MEGF11: variants seen among roughly 807,000 people sequenced by gnomAD.
The protein encoded by MEGF11 is multiple EGF like domains 11, also known as multiple epidermal growth factor-like domains protein 11.
Under a neutral mutation model 146.6 loss-of-function variants are expected in MEGF11, and 126 were observed. The ratio of observed to expected loss-of-function variants is 0.86; its 90% CI spans 0.74 to 1.00. The LOEUF (loss-of-function observed/expected upper bound fraction) is 1.00, where lower values mean the gene tolerates loss of function less well. Among genes scored for constraint, MEGF11 ranks in the 50% least tolerant of loss-of-function variants. The pLI, the probability that MEGF11 is intolerant of heterozygous loss-of-function variation, is 0.00. For missense variants in MEGF11, 1,509 were observed against 1,521.2 expected, an observed-to-expected ratio of 0.99 and a Z score of 0.13; for synonymous variants, 532 against 583.4, an observed-to-expected ratio of 0.91 and a Z score of 1.27.
intron 1 of MEGF11, among the ~76,000 whole-genome samples, chr15:66,241,780 T>C (rs1479592089): frequency 6.6e-6 from 1 of 151,962 alleles, no homozygotes; most frequent in Non-Finnish European, 1.5e-5. Flanking sequence ...GAGACACAGC[T>C]GCTCACAGGC....
chr15:65,987,140 C>T (rs2081890823), intron 5 of MEGF11, among the ~76,000 whole-genome samples: 1 of 152,210 alleles, frequency 6.6e-6, no homozygotes, highest in Non-Finnish European at 1.5e-5. Context: ...CCACCGTCTT[C>T]TTCACCGACA....
chr15:66,134,107 C>T (rs902603952), intron 1 of MEGF11, among the ~76,000 whole-genome samples: 1 of 152,192 alleles, frequency 6.6e-6, no homozygotes, highest in African/African-American at 2.4e-5. Flanking sequence ...GTCCCCTGCA[C>T]TCTCAAGCCC....
At position 66,045,638 on chromosome 15, in the gene MEGF11, C is replaced by T. The variant is rs569677640; in HGVS notation, c.394+48764G>A. Among the ~76,000 whole-genome samples the T allele has an allele frequency of 3.3e-5, 5 of 152,308 alleles. No individual in the cohort carries two copies. In the South Asian group the frequency reaches 8.3e-4, roughly 25 times the overall value. On this transcript the variant is annotated intron_variant, in intron 5 of 25. Transcript: ENST00000395614. ...ACATGTGTCACCTCCAAATGAAACA[C>T]AGAAGAGTGGGTGTGATTCTGACAT... is the stretch of plus-strand genomic sequence containing the variant.
At chr15:66,086,489 G>A (rs1240257544) in intron 5 of MEGF11, among the ~76,000 whole-genome samples, 1 of 152,108 alleles carries the variant, frequency 6.6e-6, no homozygotes, top group African/African-American at 2.4e-5. Flanking sequence ...AAGCTAGAAG[G>A]GATTGGGGAC....
rs757534754 is a variant in MEGF11 at position 65,913,810 on chromosome 15, C to T, written c.2637G>A (p.Lys879=). Residue 879 remains lysine, a synonymous_variant, in exon 20 of 26, where the codon AAG becomes AAA. Coordinates refer to ENST00000395614, the MANE Select transcript of MEGF11 (RefSeq NM_001385028.1). The part of the protein sequence containing the change: ...FAWHRRRQKE[K]GRDLAPRVSY... ...AGACACGGGGAGCCAGGTCTCGGCC[C>T]TTCTCTTTCTGCCGCCGCCGATGCC... 3.5e-5 allele frequency: 57 copies of T among 1,613,820 alleles called. No homozygotes were observed. The South Asian group carries it at 5.6e-4, about 16-fold the overall frequency.
At chr15:66,166,575 G>A (rs1406338982) in intron 1 of MEGF11, among the ~76,000 whole-genome samples, 1 of 152,074 alleles carries the variant, frequency 6.6e-6, no homozygotes, top group African/African-American at 2.4e-5. Context: ...GGCCCTTCAT[G>A]ATCTGGTTCG....
At chr15:65,985,669 C>T (rs982584274) in intron 5 of MEGF11, among the ~76,000 whole-genome samples, 4 of 152,050 alleles carry the variant, frequency 2.6e-5, no homozygotes, top group African/African-American at 9.7e-5. Context: ...CACATGGTAA[C>T]ACTTGGGTGT....
Position 66,082,854 on chromosome 15 carries a change from C to A in MEGF11, c.394+11548G>T, listed in dbSNP as rs116730136. The stretch of plus-strand genomic sequence containing the variant: ...CTCCTTACTCCCTTGCTGGGAGGAG[C>A]CCTAAAGTTTTGGCAGTGGCCCTTC... On this transcript the variant is annotated intron_variant, in intron 5 of 25. Transcript: ENST00000395614. 7.4e-3 allele frequency among the ~76,000 whole-genome samples: 1,120 copies of A among 152,118 alleles called. 17 individuals are homozygous for A. Among genetic ancestry groups the A allele is most frequent in the African/African-American group, 0.025 (1,040 of 41,450 alleles).
intron 13 of MEGF11, among the ~76,000 whole-genome samples, chr15:65,924,972 C>T (rs2079319031): frequency 6.6e-6 from 1 of 152,172 alleles, no homozygotes; most frequent in Non-Finnish European, 1.5e-5. Flanking sequence ...AGGATTCAGA[C>T]CACAGGCCTA....
At chr15:66,105,005 G>A (rs575138172) in intron 4 of MEGF11, among the ~76,000 whole-genome samples, 59 of 152,146 alleles carry the variant, frequency 3.9e-4, no homozygotes, top group African/African-American at 1.4e-3. Context: ...GTCCCATCAG[G>A]GACCAGATGG....
intron 10 of MEGF11, among the ~76,000 whole-genome samples, chr15:65,941,618 C>T (rs1008465451): frequency 6.6e-6 from 1 of 152,212 alleles, no homozygotes; most frequent in South Asian, 2.1e-4. Context: ...TGCTCTTGTG[C>T]TACCTGTAGC....
intron 5 of MEGF11, among the ~76,000 whole-genome samples, chr15:66,063,763 A>C (rs796735714): frequency 2.3e-4 from 35 of 152,328 alleles, no homozygotes; most frequent in African/African-American, 8.2e-4. Context: ...TTAAATTTGC[A>C]TCAGTCAGAT....
rs372793322 is a variant in MEGF11 at position 65,898,036 on chromosome 15, A to C, written c.3321T>G (p.Asn1107Lys). The C allele has an allele frequency of 1.2e-5, 19 of 1,613,858 alleles. No individual in the cohort carries two copies. Among genetic ancestry groups the C allele is most frequent in the Non-Finnish European group, 2.5e-6 (3 of 1,179,878 alleles). The change falls in exon 26 of 26, where the codon AAT becomes AAG. Residue 1107 changes from asparagine to lysine, a missense_variant. Physicochemically the swap from Asn to Lys is moderately conservative, Grantham distance 94 (BLOSUM62 0). Coordinates refer to ENST00000395614, the MANE Select transcript of MEGF11 (RefSeq NM_001385028.1). Reference protein sequence around the residue: ...GCGHNSSYIQNAYDLPRNSHI... With the variant: ...GCGHNSSYIQKAYDLPRNSHI... Reference sequence around the variant, plus strand: ...GGCTGTTCCTAGGTAGGTCGTATGCATTCTGGATATAGCTGGAGTTATGAC... The same window carrying C: ...GGCTGTTCCTAGGTAGGTCGTATGCCTTCTGGATATAGCTGGAGTTATGAC...
At chr15:66,049,650 G>C (rs1597029796) in intron 5 of MEGF11, among the ~76,000 whole-genome samples, 1 of 152,280 alleles carries the variant, frequency 6.6e-6, no homozygotes, top group East Asian at 1.9e-4. Flanking sequence ...GTGATTATGG[G>C]AATTATTACA....
chr15:66,249,483 C>T (rs182300599), intron 1 of MEGF11, among the ~76,000 whole-genome samples: 1 of 152,134 alleles, frequency 6.6e-6, no homozygotes, highest in African/African-American at 2.4e-5. Context: ...ATACACGACA[C>T]CTATTTATTC....
chr15:66,137,115 A>T (rs1040432279), intron 1 of MEGF11, among the ~76,000 whole-genome samples: 14 of 152,208 alleles, frequency 9.2e-5, no homozygotes, highest in Non-Finnish European at 5.9e-5. Context: ...AAATTCCACC[A>T]TGTCTATATA....
At chr15:65,909,586 T>C (rs1413807480) in intron 22 of MEGF11, among the ~76,000 whole-genome samples, 154 bp downstream of exon 22, 1 of 152,132 alleles carries the variant, frequency 6.6e-6, no homozygotes, top group Non-Finnish European at 1.5e-5. Context: ...AAGGGATTCT[T>C]GGGCTTCATC....
At chr15:66,109,262 C>G (rs1048004803) in intron 4 of MEGF11, among the ~76,000 whole-genome samples, 1 of 152,146 alleles carries the variant, frequency 6.6e-6, no homozygotes, top group Non-Finnish European at 1.5e-5. Flanking sequence ...GCTGCTGCCC[C>G]CAGAGCAACC....
chr15:65,979,272 C>T (rs1314788686), intron 7 of MEGF11, among the ~76,000 whole-genome samples: 1 of 152,100 alleles, frequency 6.6e-6, no homozygotes, highest in African/African-American at 2.4e-5. Flanking sequence ...TGTATTTTAA[C>T]CCCCCACCAC....
Sources: allele counts gnomAD v4.1 joint callset (sites outside exome capture counted in the v4.1 genomes callset), GRCh38; gene constraint gnomAD v4.1.1; transcripts MANE v1.5; gene names NCBI Gene and HGNC (gene_info 2026-07-23, HGNC 2026-07-21).